The following PRIM2 variants were observed in gnomAD, a reference collection of about 807,000 sequenced individuals.
PRIM2 encodes DNA primase large subunit.
Under a neutral mutation model 67.3 loss-of-function variants are expected in PRIM2, and 39 were observed. That is an observed-to-expected ratio of 0.58 (90% CI 0.45 to 0.76). The LOEUF is 0.76. Ranked by LOEUF, PRIM2 falls within the 30% of genes least tolerant of loss-of-function variation. The pLI is 0.00. For missense variants in PRIM2, 398 were observed against 598.7 expected (o/e 0.66, Z 3.50); for synonymous variants, 143 against 198.7 (o/e 0.72, Z 2.36).
chr6:57,321,846 A>G (rs528928480), intron 3 of PRIM2, among the ~76,000 whole-genome samples: 1 of 152,324 alleles, frequency 6.6e-6, no homozygotes, highest in South Asian at 2.1e-4. Context: ...CACAGACTGA[A>G]TAACTTGCCC....
At chr6:57,298,161 A>G in the PRIM2 span, among the ~76,000 whole-genome samples, 1 of 152,130 alleles carries the variant, frequency 6.6e-6, no homozygotes, top group African/African-American at 2.4e-5. Context: ...GGAGTTCGAG[A>G]CCAGCAGGGC....
chr6:57,359,908 G>C (rs1363543218), intron 5 of PRIM2, among the ~76,000 whole-genome samples: 6 of 152,152 alleles, frequency 3.9e-5, no homozygotes, highest in Non-Finnish European at 8.8e-5. Context: ...GAAGTTTGTG[G>C]CTTTTTCATT....
intron 7 of PRIM2, among the ~76,000 whole-genome samples, chr6:57,484,238 G>A (rs1773694405): frequency 6.6e-6 from 1 of 152,194 alleles, no homozygotes; most frequent in Non-Finnish European, 1.5e-5. Flanking sequence ...TTTTCACTTG[G>A]ATGATTGCAT....
intron 13 of PRIM2, among the ~76,000 whole-genome samples, chr6:57,642,435 C>CTTTTTTTTTTTTTTTTTTTTTTTT (rs1156576933): frequency 1.2e-5 from 1 of 83,184 alleles, no homozygotes; most frequent in Non-Finnish European, 2.1e-5. Flanking sequence ...AATATTATAT[C>CTTTTTTTTTTTTTTTTTTTTTTTT]TTTTTTTTTT....
chr6:57,597,792 C>T lies in PRIM2; in HGVS notation c.1021-3301C>T, dbSNP rs1202379489. Among the ~76,000 whole-genome samples, 747 of 152,248 alleles carry T rather than the reference C, an allele frequency of 4.9e-3. 4 individuals carry two copies. Among genetic ancestry groups the T allele is most frequent in the Middle Eastern group, 0.01 (3 of 294 alleles). ...GGGCAACTCTGAAGTGTCTTGCGGTCACTTAAAAGAGGGGGGATTTACCTG... is the reference window on the plus strand; with the variant it reads ...GGGCAACTCTGAAGTGTCTTGCGGTTACTTAAAAGAGGGGGGATTTACCTG... On this transcript the variant is annotated intron_variant, in intron 10 of 13. Coordinates refer to ENST00000615550, the MANE Select transcript of PRIM2 (RefSeq NM_000947.5).
chr6:57,493,836 C>T (rs1337525385), intron 7 of PRIM2: 6 of 152,058 alleles, frequency 3.9e-5, no homozygotes, highest in Non-Finnish European at 8.8e-5. Flanking sequence ...GGTTTTTGTT[C>T]CTTTTCCCTT....
intron 7 of PRIM2, among the ~76,000 whole-genome samples, chr6:57,404,866 A>G (rs375606456): frequency 4.5e-4 from 65 of 144,546 alleles, no homozygotes; most frequent in African/African-American, 1.5e-3. Context: ...TTCCTCATTC[A>G]TGGAAAAGAT....
intron 5 of PRIM2, among the ~76,000 whole-genome samples, chr6:57,335,095 G>C (rs984989243): frequency 1.1e-4 from 17 of 152,154 alleles, no homozygotes; most frequent in African/African-American, 4.1e-4. Flanking sequence ...AAAGAAAGGG[G>C]TGACAGATGG....
At position 57,455,920 on chromosome 6, in the gene PRIM2, G is replaced by A. The variant is rs1176533961; in HGVS notation, c.694-51467G>A. Among the ~76,000 whole-genome samples, 26 of 152,280 alleles carry A rather than the reference G, an allele frequency of 1.7e-4. No homozygotes were observed. In the South Asian group the frequency reaches 4.8e-3, roughly 28 times the overall value. On this transcript the variant is annotated intron_variant, in intron 7 of 13. Transcript: ENST00000615550. ...AATTTGGCATGTTTTTGCAGTGCTG[G>A]TACTGGTTGTTCCTTTCCATGTTTA...
intron 7 of PRIM2, among the ~76,000 whole-genome samples, chr6:57,472,324 G>C (rs1773355723): frequency 1.3e-5 from 2 of 151,782 alleles, no homozygotes; most frequent in African/African-American, 2.4e-5. Flanking sequence ...CAGCTACTCG[G>C]GAGGCTGAGG....
chr6:57,306,083 G>T, the PRIM2 span, among the ~76,000 whole-genome samples: 1 of 152,142 alleles, frequency 6.6e-6, no homozygotes, highest in African/African-American at 2.4e-5. Flanking sequence ...TATATCCATA[G>T]ATAGCACCCA....
chr6:57,544,229 C>G (rs1389279209), intron 10 of PRIM2, among the ~76,000 whole-genome samples: 1 of 150,526 alleles, frequency 6.6e-6, no homozygotes, highest in Non-Finnish European at 1.5e-5. Context: ...AAGTTTATGG[C>G]GCGGTTGGAA....
the PRIM2 span, among the ~76,000 whole-genome samples, chr6:57,254,485 A>G: frequency 3.3e-5 from 5 of 152,162 alleles, 1 homozygote; most frequent in East Asian, 9.6e-4. Flanking sequence ...CCTCTGTAAC[A>G]ACTGTTTCAG....
intron 7 of PRIM2, among the ~76,000 whole-genome samples, chr6:57,487,786 A>G (rs1773788730): frequency 6.6e-6 from 1 of 152,204 alleles, no homozygotes; most frequent in African/African-American, 2.4e-5. Context: ...AGCTCAGTCA[A>G]TTAATTCGAA....
intron 10 of PRIM2, among the ~76,000 whole-genome samples, chr6:57,574,596 G>T (rs1191121510): frequency 1.3e-5 from 2 of 151,528 alleles, no homozygotes; most frequent in Non-Finnish European, 2.9e-5. Context: ...ATTAGGAAAA[G>T]GTAATTTCTG....
intron 12 of PRIM2, among the ~76,000 whole-genome samples, chr6:57,621,202 C>G (rs1204228586): frequency 6.6e-6 from 1 of 152,174 alleles, no homozygotes; most frequent in East Asian, 1.9e-4. Context: ...GTTGAGGAGC[C>G]TATTTCTGAT....
chr6:57,538,261 C>G (rs1775041192), intron 10 of PRIM2, among the ~76,000 whole-genome samples: 1 of 152,152 alleles, frequency 6.6e-6, no homozygotes, highest in Admixed American at 6.5e-5. Context: ...TGGGCTCAAG[C>G]TGTTCTCCTG....
intron 7 of PRIM2, among the ~76,000 whole-genome samples, chr6:57,439,422 T>G (rs1359128280): frequency 3.9e-5 from 5 of 127,222 alleles, no homozygotes; most frequent in African/African-American, 1.4e-4. Flanking sequence ...TTTTTTTTTT[T>G]TTTTTTTTTT....
At chr6:57,628,602 A>G (rs1174891394) in intron 12 of PRIM2, among the ~76,000 whole-genome samples, 1 of 152,200 alleles carries the variant, frequency 6.6e-6, no homozygotes, top group East Asian at 1.9e-4. Flanking sequence ...CAAGTAGTGA[A>G]CATAGTACCT....
Sources: gnomAD v4.1 joint callset for allele counts (sites outside exome capture counted in the v4.1 genomes callset) on GRCh38, gnomAD v4.1.1 for gene constraint, MANE v1.5 for transcripts, NCBI Gene and HGNC (gene_info 2026-07-23, HGNC 2026-07-21) for gene names.